TNIP1: variants seen among roughly 807,000 people sequenced by gnomAD.
TNIP1 encodes the protein TNFAIP3 interacting protein 1.
TNIP1 carries 22 observed loss-of-function variants against 86.6 expected under a neutral mutation model. That is an observed-to-expected ratio of 0.25 (90% confidence interval 0.18 to 0.36). The LOEUF (loss-of-function observed/expected upper bound fraction) is 0.36, where lower values mean the gene tolerates loss of function less well. Among genes scored for constraint, TNIP1 ranks in the 10% least tolerant of loss-of-function variants. The pLI is 1.00. For missense variants in TNIP1, 709 were observed against 820.6 expected, an observed-to-expected ratio of 0.86 and a Z score of 1.66; for synonymous variants, 294 against 313.0, an observed-to-expected ratio of 0.94 and a Z score of 0.64.
Position 151,030,527 on chromosome 5 carries a change from G to T in TNIP1, c.*186C>A. 1 of 859,634 alleles carries T rather than the reference G, an allele frequency of 1.2e-6. No homozygotes were observed. The highest frequency in any genetic ancestry group is 1.8e-6 in the Non-Finnish European group (1 of 559,310). 53.3% of individuals were successfully genotyped at this position (859,634 alleles called of 1,614,324 possible). A position where few individuals can be genotyped will look rare whatever the true frequency, so the allele number is the denominator to read the frequency against. On this transcript the variant is annotated 3_prime_UTR_variant, in exon 18 of 18. Transcript: ENST00000521591. ...AGCAGAGTACAAATGAAAGCCTTCT[G>T]GGTGGAGCCTCCCCAGTCCTGTAAA...
At chr5:151,047,410 G>A (rs1759316183) in intron 8 of TNIP1, among the ~76,000 whole-genome samples, 1 of 152,170 alleles carries the variant, frequency 6.6e-6, no homozygotes, top group Non-Finnish European at 1.5e-5. Flanking sequence ...GAACAGCTAG[G>A]AACTGTCACA....
intron 4 of TNIP1, 105 bp from the exon 5 acceptor site, chr5:151,060,500 T>C: frequency 3.1e-6 from 3 of 958,276 alleles, no homozygotes; most frequent in Non-Finnish European, 3.3e-6. Context: ...TCTTCCCATT[T>C]TGAGTACACA....
At chr5:151,040,109 C>T (rs545534902) in intron 11 of TNIP1, among the ~76,000 whole-genome samples, 3 of 152,324 alleles carry the variant, frequency 2.0e-5, no homozygotes, top group African/African-American at 7.2e-5. Flanking sequence ...GGTGTTGAAA[C>T]TAGGGGATGG....
intron 6 of TNIP1, among the ~76,000 whole-genome samples, chr5:151,053,101 C>CTTTTTTTTTTTTTTTT (rs11390788): frequency 1.2e-5 from 1 of 85,208 alleles, no homozygotes. Context: ...AACTGTTTCT[C>CTTTTTTTTTTTTTTTT]TTTTTTTTTT....
chr5:151,054,679 C>A (rs1337766059), intron 6 of TNIP1, among the ~76,000 whole-genome samples: 5 of 152,118 alleles, frequency 3.3e-5, no homozygotes, highest in African/African-American at 1.2e-4. Flanking sequence ...ACCCTGTCCC[C>A]CAACACCCCT....
intron 3 of TNIP1, 82 bp downstream of exon 3, chr5:151,063,531 G>T: frequency 6.4e-7 from 1 of 1,550,936 alleles, no homozygotes; most frequent in East Asian, 2.3e-5. Flanking sequence ...GTGGGTTTTG[G>T]CATAAGAAGG....
intron 4 of TNIP1, 86 bp downstream of exon 4, chr5:151,062,034 ACCTCAAC>A: frequency 8.4e-7 from 1 of 1,183,630 alleles, no homozygotes; most frequent in East Asian, 2.5e-5. Context: ...CAGTTTCTTG[ACCTCAAC>A]CCTCTTTCTT....
chr5:151,074,373 A>G (rs1395720461), intron 1 of TNIP1, among the ~76,000 whole-genome samples: 1 of 152,188 alleles, frequency 6.6e-6, no homozygotes, highest in African/African-American at 2.4e-5. Context: ...CCTGCCTCCA[A>G]GAGGTAAGAT....
intron 11 of TNIP1, among the ~76,000 whole-genome samples, chr5:151,040,997 T>G (rs1013265739): frequency 3.3e-5 from 5 of 152,270 alleles, no homozygotes; most frequent in Middle Eastern, 3.4e-3. Context: ...AGGGGACCTG[T>G]TGTTTCCCCC....
chr5:151,075,736 T>C (rs1183482697), intron 1 of TNIP1, among the ~76,000 whole-genome samples: 1 of 152,262 alleles, frequency 6.6e-6, no homozygotes, highest in Non-Finnish European at 1.5e-5. Context: ...CTAAGTCTGC[T>C]GCTGAAGCTG....
intron 12 of TNIP1, 30 bp from the exon 13 acceptor site, chr5:151,036,951 C>T: frequency 1.9e-6 from 3 of 1,560,416 alleles, no homozygotes; most frequent in Non-Finnish European, 2.6e-6. Context: ...GGACCATCAG[C>T]AGGAACCCCT....
chr5:151,081,502 C>T (rs566311213), upstream of TNIP1, among the ~76,000 whole-genome samples: 1 of 152,324 alleles, frequency 6.6e-6, no homozygotes, highest in African/African-American at 2.4e-5. Flanking sequence ...CAGGACTCTT[C>T]TTAACAAAGC....
Position 151,029,980 on chromosome 5 carries a change from C to T in TNIP1, c.*733G>A, listed in dbSNP as rs1274790055. The T allele has an allele frequency of 2.8e-5, 12 of 433,470 alleles. No homozygotes were observed. Among genetic ancestry groups the T allele is most frequent in the South Asian group, 1.1e-4 (7 of 63,788 alleles). The allele number at this position is 433,470 out of a possible 1,614,324, so 26.9% of individuals were successfully genotyped here. A position where few individuals can be genotyped will look rare whatever the true frequency, so the allele number is the denominator to read the frequency against. The stretch of plus-strand genomic sequence containing the variant: ...TCAACTTGGATTTATGTCCATGATT[C>T]GTGCAAATAGCTATCCAGGGATGGA... On this transcript the variant is annotated 3_prime_UTR_variant, in exon 18 of 18. Transcript: ENST00000521591.
intron 9 of TNIP1, among the ~76,000 whole-genome samples, chr5:151,044,406 T>C (rs996479644): frequency 6.6e-6 from 1 of 152,108 alleles, no homozygotes; most frequent in Non-Finnish European, 1.5e-5. Context: ...TATACATATA[T>C]ATACACACAC....
intron 6 of TNIP1, 126 bp downstream of exon 6, chr5:151,056,640 G>A: frequency 1.1e-6 from 1 of 924,986 alleles, no homozygotes; most frequent in Non-Finnish European, 1.5e-6. Context: ...AAAGCCCGAA[G>A]TCTGCCCACA....
chr5:151,067,510 GAGCCACCTTGCATGACAAAGGCAGC>G (rs974140415), intron 1 of TNIP1, among the ~76,000 whole-genome samples: 1 of 152,206 alleles, frequency 6.6e-6, no homozygotes, highest in Non-Finnish European at 1.5e-5. Context: ...AAGGGGCCTG[GAGCCACCTTGCATGACAAAGGCAGC>G]AGTGTCCTGG....
At position 151,052,219 on chromosome 5, in the gene TNIP1, T is replaced by A; in HGVS notation, c.668A>T (p.Lys223Met). 1 of 1,614,048 alleles carries A rather than the reference T, an allele frequency of 6.2e-7. No homozygotes were observed. Among genetic ancestry groups the A allele is most frequent in the Non-Finnish European group, 8.5e-7 (1 of 1,179,994 alleles). ...TTCCAGGCCCTTATCCAACTTGGCCTTCAGAGCCTCGTTCTCCTTCCGAAG... is the reference window on the plus strand; with the variant it reads ...TTCCAGGCCCTTATCCAACTTGGCCATCAGAGCCTCGTTCTCCTTCCGAAG... ...EQLRKENEALKAKLDKGLEQR... is the reference protein window; with the variant it reads ...EQLRKENEALMAKLDKGLEQR... The change falls in exon 7 of 18, where the codon AAG becomes ATG. Residue 223 changes from lysine (K) to methionine (M), a missense_variant. Lys to Met is a moderately conservative substitution (Grantham distance 95, BLOSUM62 -1). Transcript: ENST00000521591.
upstream of TNIP1, among the ~76,000 whole-genome samples, chr5:151,081,492 C>T (rs1392870116): frequency 1.3e-5 from 2 of 152,178 alleles, no homozygotes; most frequent in Non-Finnish European, 2.9e-5. Context: ...CAGGGCACTC[C>T]AGGACTCTTC....
chr5:151,037,973 A>G (rs1757930687), intron 12 of TNIP1, among the ~76,000 whole-genome samples: 1 of 152,264 alleles, frequency 6.6e-6, no homozygotes, highest in Admixed American at 6.5e-5. Context: ...GGTCATGAGC[A>G]AAGAAGGCCA....
Sources: allele counts gnomAD v4.1 joint callset (sites outside exome capture counted in the v4.1 genomes callset), GRCh38; gene constraint gnomAD v4.1.1; transcripts MANE v1.5; gene names NCBI Gene and HGNC (gene_info 2026-07-23, HGNC 2026-07-21).